Variants in MTHFD1 observed in about 807,000 individuals in gnomAD.
MTHFD1 encodes methylenetetrahydrofolate dehydrogenase, cyclohydrolase and formyltetrahydrofolate synthetase 1, also known as C-1-tetrahydrofolate synthase, cytoplasmic.
Under a neutral mutation model 110.3 loss-of-function variants are expected in MTHFD1, and 44 were observed. The observed-to-expected ratio is 0.40, with a 90% confidence interval of 0.31 to 0.51. MTHFD1 has a LOEUF of 0.51. MTHFD1 is among the 20% of genes least tolerant of loss of function. The probability of loss-of-function intolerance (pLI) is 0.60; values close to 1 mark genes in which losing one functional copy is unlikely to be tolerated. For synonymous variants in MTHFD1, 402 were observed against 428.8 expected, an observed-to-expected ratio of 0.94 and a Z score of 0.77; for missense variants, 909 against 1,173.1, an observed-to-expected ratio of 0.77 and a Z score of 3.29.
intron 12 of MTHFD1, among the ~76,000 whole-genome samples, chr14:64,428,210 G>T (rs2078133130): frequency 6.7e-6 from 1 of 150,296 alleles, no homozygotes; most frequent in Admixed American, 6.7e-5. Flanking sequence ...CCACCTTCTG[G>T]GTTCAAGAGA....
intron 22 of MTHFD1, among the ~76,000 whole-genome samples, chr14:64,447,454 CT>C (rs34013579): frequency 2.1e-3 from 272 of 127,012 alleles, no homozygotes; most frequent in Middle Eastern, 4.6e-3. Flanking sequence ...AGGTCCGGCC[CT>C]TTTTTTTTTT....
chr14:64,439,304 G>A, intron 17 of MTHFD1, 132 bp downstream of exon 17: 1 of 738,570 alleles, frequency 1.4e-6, no homozygotes, highest in Non-Finnish European at 2.4e-6. Context: ...TAAAATGGAA[G>A]TGAGTAGGTG....
At chr14:64,420,417 C>T (rs1037551028) in intron 8 of MTHFD1, among the ~76,000 whole-genome samples, 8 of 152,100 alleles carry the variant, frequency 5.3e-5, no homozygotes, top group African/African-American at 1.4e-4. Context: ...AAACTGTACT[C>T]GGCATCCTCA....
chr14:64,427,285 T>G (rs2078125761), intron 11 of MTHFD1, 52 bp from the exon 12 acceptor site: 2 of 1,599,802 alleles, frequency 1.3e-6, no homozygotes, highest in Non-Finnish European at 1.7e-6. Flanking sequence ...ACTTAGTGAT[T>G]CAGATACACT....
At position 64,430,233 on chromosome 14, in the gene MTHFD1, A is replaced by G. The variant is rs767053667; in HGVS notation, c.1311+3A>G. On this transcript the variant is annotated splice_donor_region_variant and intron_variant, in intron 13 of 27. Coordinates refer to ENST00000652337, the MANE Select transcript of MTHFD1 (RefSeq NM_005956.4). The stretch of plus-strand genomic sequence containing the variant: ...CCCAGGTCATTCCTATGGAAGAGGT[A>G]AAGTATTCTGGGATTTGGCTGAATT... 5.6e-6 allele frequency: 9 copies of G among 1,613,300 alleles called. No individual in the cohort carries two copies. The highest frequency in any genetic ancestry group is 1.3e-5 in the African/African-American group (1 of 75,030).
intron 13 of MTHFD1, 137 bp downstream of exon 13, chr14:64,430,367 C>G: frequency 1.3e-6 from 1 of 791,128 alleles, no homozygotes. Flanking sequence ...GGCGCAATCT[C>G]GGCTCACTGC....
At chr14:64,393,126 G>A (rs765522290) in intron 1 of MTHFD1, among the ~76,000 whole-genome samples, 3 of 152,198 alleles carry the variant, frequency 2.0e-5, no homozygotes, top group Non-Finnish European at 2.9e-5. Flanking sequence ...TGGGCAGGGC[G>A]TGGTGGCTCA....
intron 1 of MTHFD1, among the ~76,000 whole-genome samples, chr14:64,391,551 T>G (rs2077805603): frequency 6.6e-6 from 1 of 152,240 alleles, no homozygotes; most frequent in Non-Finnish European, 1.5e-5. Context: ...CGTCCTCTTC[T>G]ATTATTATTC....
intron 9 of MTHFD1, 132 bp downstream of exon 9, chr14:64,425,063 G>A: frequency 8.9e-7 from 1 of 1,121,984 alleles, no homozygotes; most frequent in South Asian, 1.4e-5. Flanking sequence ...AAAGGGAAGG[G>A]AAGAATAGAG....
chr14:64,427,285 T>C, intron 11 of MTHFD1, 52 bp from the exon 12 acceptor site: 1 of 1,599,920 alleles, frequency 6.3e-7, no homozygotes, highest in Non-Finnish European at 8.6e-7. Flanking sequence ...ACTTAGTGAT[T>C]CAGATACACT....
intron 26 of MTHFD1, 122 bp from the exon 27 acceptor site, chr14:64,458,092 T>G (rs1223649494): frequency 1.3e-6 from 1 of 799,532 alleles, no homozygotes; most frequent in Non-Finnish European, 2.3e-6. Flanking sequence ...GGTCTCACTA[T>G]GTTGCCCAGG....
At chr14:64,453,927 G>C in intron 25 of MTHFD1, 66 bp downstream of exon 25, 1 of 994,046 alleles carries the variant, frequency 1.0e-6, no homozygotes, top group Non-Finnish European at 1.6e-6. Flanking sequence ...ACAATCTCTG[G>C]GTCCTCCCAG....
At chr14:64,453,077 C>T (rs1308154579) in intron 24 of MTHFD1, among the ~76,000 whole-genome samples, 1 of 151,690 alleles carries the variant, frequency 6.6e-6, no homozygotes, top group Non-Finnish European at 1.5e-5. Context: ...TAGTCAGCAA[C>T]ACTGTTTATG....
intron 16 of MTHFD1, among the ~76,000 whole-genome samples, chr14:64,437,045 T>A (rs1000447083): frequency 1.1e-4 from 16 of 152,194 alleles, no homozygotes; most frequent in African/African-American, 3.4e-4. Context: ...GGTATGAAAT[T>A]ATGACAGTCT....
At chr14:64,441,933 A>G (rs8003567) in intron 19 of MTHFD1, 121 bp from the exon 20 acceptor site, 69,663 of 736,328 alleles carry the variant, frequency 0.095, 3,800 homozygotes, top group African/African-American at 0.17. Flanking sequence ...AGATGACTTT[A>G]TATTTTCCCT....
chr14:64,459,255 T>C (rs183618000), intron 27 of MTHFD1, among the ~76,000 whole-genome samples: 5 of 152,316 alleles, frequency 3.3e-5, no homozygotes, highest in Admixed American at 2.0e-4. Context: ...ACGTGAGTTT[T>C]GGGAAACTGA....
Position 64,431,881 on chromosome 14 carries a change from C to A in MTHFD1, c.1494+20C>A, listed in dbSNP as rs199606971. ...TTAAAGGTAAGCTTTTTTTCTTCCA[C>A]ATTTTTTATATTGTATGGAATCTGG... is the stretch of plus-strand genomic sequence containing the variant. On this transcript the variant is annotated intron_variant, in intron 15 of 27. Transcript: ENST00000652337. 9.9e-4 allele frequency: 1,585 copies of A among 1,601,012 alleles called. 5 individuals are homozygous for A. Among genetic ancestry groups the A allele is most frequent in the Middle Eastern group, 4.6e-3 (28 of 6,038 alleles).
intron 19 of MTHFD1, 108 bp downstream of exon 19, chr14:64,441,561 C>T (rs1351885507): frequency 5.2e-6 from 5 of 967,422 alleles, no homozygotes; most frequent in African/African-American, 3.2e-5. Flanking sequence ...AATCCCAGCA[C>T]TTTGGGAGGC....
At chr14:64,451,394 A>G (rs1444446639) in intron 24 of MTHFD1, among the ~76,000 whole-genome samples, 1 of 152,212 alleles carries the variant, frequency 6.6e-6, no homozygotes, top group South Asian at 2.1e-4. Flanking sequence ...TAAACTTATT[A>G]CTCTTGAGTT....
Sources: allele counts gnomAD v4.1 joint callset (sites outside exome capture counted in the v4.1 genomes callset), GRCh38; gene constraint gnomAD v4.1.1; transcripts MANE v1.5; gene names NCBI Gene and HGNC (gene_info 2026-07-23, HGNC 2026-07-21).